IGF1R: variants seen among roughly 807,000 people sequenced by gnomAD.
IGF1R encodes insulin-like growth factor 1 receptor.
A neutral mutation model predicts 144.6 loss-of-function variants in IGF1R; 44 were observed. That is an observed-to-expected ratio of 0.30 (90% CI 0.24 to 0.39). The LOEUF (loss-of-function observed/expected upper bound fraction) is 0.39. IGF1R is among the 10% of genes least tolerant of loss of function. IGF1R has a pLI of 1.00. For missense variants in IGF1R, 1,355 were observed against 1,833.7 expected (o/e 0.74, Z 4.77); for synonymous variants, 795 against 722.8 (o/e 1.10, Z -1.60).
At chr15:98,831,307 C>T (rs532975647) in intron 2 of IGF1R, among the ~76,000 whole-genome samples, 1 of 152,348 alleles carries the variant, frequency 6.6e-6, no homozygotes, top group African/African-American at 2.4e-5. Context: ...TTCACTTTCT[C>T]TCCACCAGAA....
At chr15:98,795,148 T>C (rs951629652) in intron 2 of IGF1R, among the ~76,000 whole-genome samples, 3 of 148,640 alleles carry the variant, frequency 2.0e-5, no homozygotes, top group Non-Finnish European at 4.5e-5. Flanking sequence ...ATATTGACTA[T>C]TGTAGCAGTC....
chr15:98,948,415 C>T lies in IGF1R; in HGVS notation c.3588-159C>T, dbSNP rs140959359. On this transcript the variant is annotated intron_variant, in intron 19 of 20. Transcript: ENST00000650285. The stretch of plus-strand genomic sequence containing the variant: ...AGCAGCAACAGAGGGAGGATGATAT[C>T]CCGCACTTAGCCCAGGGCCTGGCTC... Among the ~76,000 whole-genome samples, 806 of 152,296 alleles carry T rather than the reference C, an allele frequency of 5.3e-3. 3 individuals are homozygous for T. The highest frequency in any genetic ancestry group is 0.017 in the Middle Eastern group (5 of 294).
At chr15:98,696,178 A>G (rs916365252) in intron 1 of IGF1R, among the ~76,000 whole-genome samples, 2 of 151,776 alleles carry the variant, frequency 1.3e-5, no homozygotes, top group African/African-American at 2.4e-5. Flanking sequence ...TTTCCTCTCT[A>G]TTGCAATTCC....
chr15:98,938,612 G>C (rs2684798), intron 17 of IGF1R, among the ~76,000 whole-genome samples: 151,278 of 152,338 alleles, frequency 0.99, 75,126 homozygotes, highest in Middle Eastern at 1. Context: ...CCGTAATGCC[G>C]ACAGAAAATA....
At chr15:98,922,011 T>C (rs1596453485) in intron 10 of IGF1R, 137 bp from the exon 11 acceptor site, 1 of 830,850 alleles carries the variant, frequency 1.2e-6, no homozygotes, top group South Asian at 1.5e-5. Context: ...CCTGTGTTAT[T>C]CATGAGTTCT....
rs1165974933 is a variant in IGF1R, at chr15:98,649,237, CCTTT to C, written c.-340_-337del. The C allele has an allele frequency of 4.6e-6, 1 of 218,642 alleles. No homozygotes were observed. The highest frequency in any genetic ancestry group is 9.2e-6 in the Non-Finnish European group (1 of 109,006). The allele number at this position is 218,642 out of a possible 1,614,324, so 13.5% of individuals were successfully genotyped here. A position where few individuals can be genotyped will look rare whatever the true frequency, so the allele number is the denominator to read the frequency against. Reference sequence around the variant, plus strand: ...GCCTAGGCAGATTTGGGCTTTGCCCCCTTTCTTTGCAGTTTTCCCCCCTTCCTGC... The same window carrying C: ...GCCTAGGCAGATTTGGGCTTTGCCCCCTTTGCAGTTTTCCCCCCTTCCTGC... On this transcript the variant is annotated 5_prime_UTR_variant, in exon 1 of 21. Transcript: ENST00000650285.
intron 5 of IGF1R, among the ~76,000 whole-genome samples, chr15:98,905,026 A>T (rs1000581101): frequency 6.6e-6 from 1 of 152,222 alleles, no homozygotes; most frequent in Non-Finnish European, 1.5e-5. Flanking sequence ...TGCAGCTGAG[A>T]GACTCCAGCC....
chr15:98,716,336 T>C (rs2054116114), intron 2 of IGF1R, among the ~76,000 whole-genome samples: 1 of 152,222 alleles, frequency 6.6e-6, no homozygotes, highest in Admixed American at 6.5e-5. Context: ...CTCTCTCTCC[T>C]CTTTGATCCT....
At chr15:98,691,742 AT>A (rs1211435640) in intron 1 of IGF1R, among the ~76,000 whole-genome samples, 1 of 152,110 alleles carries the variant, frequency 6.6e-6, no homozygotes, top group Non-Finnish European at 1.5e-5. Flanking sequence ...CCCTTCAGTG[AT>A]TTGTCAGCAT....
At chr15:98,650,697 C>T (rs2052339417) in intron 1 of IGF1R, among the ~76,000 whole-genome samples, 1 of 152,210 alleles carries the variant, frequency 6.6e-6, no homozygotes, top group South Asian at 2.1e-4. Flanking sequence ...CCAGGGTCTG[C>T]GGCGGCGCGG....
At chr15:98,917,252 C>G (rs1393283039) in intron 10 of IGF1R, among the ~76,000 whole-genome samples, 1 of 152,150 alleles carries the variant, frequency 6.6e-6, no homozygotes, top group African/African-American at 2.4e-5. Flanking sequence ...TCTGCCCTTC[C>G]TAATTATCTT....
At chr15:98,820,989 T>C (rs1181053419) in intron 2 of IGF1R, 1 of 152,220 alleles carries the variant, frequency 6.6e-6, no homozygotes, top group Non-Finnish European at 1.5e-5. Flanking sequence ...CTTTTTGGTG[T>C]ACAACAGCTA....
chr15:98,953,127 G>A (rs1428823430), intron 20 of IGF1R: 4 of 152,258 alleles, frequency 2.6e-5, no homozygotes, highest in African/African-American at 9.7e-5. Context: ...AAGTGTGTGA[G>A]TTGTGTGGTT....
Position 98,762,000 on chromosome 15 carries a change from T to C in IGF1R, c.640+53893T>C, listed in dbSNP as rs1049206903. On this transcript the variant is annotated intron_variant, in intron 2 of 20. Coordinates refer to ENST00000650285, the MANE Select transcript of IGF1R (RefSeq NM_000875.5). ...GCCCTTGATTGCTCTTTACCTGTTA[T>C]ATCAGTCGATCTTGCCTGCCTAGCA... 3.3e-5 allele frequency among the ~76,000 whole-genome samples: 5 copies of C among 152,314 alleles called. No homozygotes were observed. In the East Asian group the frequency reaches 9.6e-4, roughly 29 times the overall value.
intron 1 of IGF1R, among the ~76,000 whole-genome samples, chr15:98,662,620 G>A (rs892412107): frequency 3.3e-5 from 5 of 152,134 alleles, no homozygotes; most frequent in African/African-American, 1.2e-4. Context: ...CTCAACTACT[G>A]GTGGAGAGTA....
At chr15:98,951,252 C>T (rs2016761772) in intron 20 of IGF1R, among the ~76,000 whole-genome samples, 1 of 152,230 alleles carries the variant, frequency 6.6e-6, no homozygotes, top group Non-Finnish European at 1.5e-5. Context: ...GGGCCTGGGC[C>T]AGTGATGGGA....
At chr15:98,916,209 T>TA (rs984576144) in intron 9 of IGF1R, 78 bp downstream of exon 9, 85 of 1,369,164 alleles carry the variant, frequency 6.2e-5, no homozygotes, top group Non-Finnish European at 7.3e-5. Context: ...GCCCTAATAT[T>TA]ACACGTATCA....
chr15:98,891,938 C>T lies in IGF1R; in HGVS notation c.953+301C>T, dbSNP rs1440827758. On this transcript the variant is annotated intron_variant, in intron 3 of 20. Transcript: ENST00000650285. This position sits in a 1 kb window ranked among gnomAD's most constrained non-coding sequence, Gnocchi z 4.7. ...CCAGAGTTCATAGTCTCTCTGGGTA[C>T]TTGCCAAGCTGCCATCTAAGAGACA... 6.6e-6 allele frequency among the ~76,000 whole-genome samples: 1 copy of T among 152,180 alleles called. No individual in the cohort carries two copies. The highest frequency in any genetic ancestry group is 2.4e-5 in the African/African-American group (1 of 41,432).
At chr15:98,737,379 G>A (rs914497595) in intron 2 of IGF1R, among the ~76,000 whole-genome samples, 9 of 152,112 alleles carry the variant, frequency 5.9e-5, no homozygotes, top group South Asian at 2.1e-4. Flanking sequence ...GGAACCGAGC[G>A]AGGATTTGGA....
Sources: allele counts gnomAD v4.1 joint callset (sites outside exome capture counted in the v4.1 genomes callset), GRCh38; gene constraint gnomAD v4.1.1; non-coding constraint Gnocchi (gnomAD v3.1); transcripts MANE v1.5; gene names NCBI Gene and HGNC (gene_info 2026-07-23, HGNC 2026-07-21).